The following SGCD variants were observed in gnomAD, a reference collection of about 807,000 sequenced individuals.
SGCD encodes the protein delta-sarcoglycan.
A neutral mutation model predicts 36.6 loss-of-function variants in SGCD; 18 were observed. The observed-to-expected ratio is 0.49, with a 90% confidence interval of 0.34 to 0.73. SGCD has a LOEUF of 0.73. SGCD is among the 30% of genes least tolerant of loss of function. The pLI, the probability that SGCD is intolerant of heterozygous loss-of-function variation, is 0.01. For missense variants in SGCD, 387 were observed against 346.7 expected (o/e 1.12, Z -0.92); for synonymous variants, 133 against 130.6 (o/e 1.02, Z -0.12).
intron 3 of SGCD, among the ~76,000 whole-genome samples, chr5:156,500,141 C>T (rs1317493011): frequency 6.6e-6 from 1 of 152,120 alleles, no homozygotes; most frequent in Non-Finnish European, 1.5e-5. Context: ...GCTGTATCCC[C>T]CTGGTTGGGA....
chr5:156,529,719 A>C (rs1244962890), intron 4 of SGCD, among the ~76,000 whole-genome samples: 1 of 152,090 alleles, frequency 6.6e-6, no homozygotes. Flanking sequence ...AGCTGAAAAA[A>C]CTTTTTTGCC....
chr5:156,758,376 A>T (rs970124766), intron 8 of SGCD, among the ~76,000 whole-genome samples: 10 of 138,398 alleles, frequency 7.2e-5, no homozygotes, highest in Admixed American at 1.5e-4. Flanking sequence ...TCATAGAGTT[A>T]AAAAATCTGT....
intron 1 of SGCD, among the ~76,000 whole-genome samples, chr5:156,002,451 G>A (rs557703322): frequency 6.6e-6 from 1 of 152,212 alleles, no homozygotes; most frequent in Non-Finnish European, 1.5e-5. Flanking sequence ...ATATAGATGG[G>A]TATTCTAGAG....
chr5:155,800,031 C>G, the SGCD span, among the ~76,000 whole-genome samples: 1 of 151,948 alleles, frequency 6.6e-6, no homozygotes, highest in Non-Finnish European at 1.5e-5. Flanking sequence ...GTTGGCCAGG[C>G]TTGTCTCGAA....
chr5:156,726,238 C>G (rs550677634), intron 7 of SGCD, among the ~76,000 whole-genome samples: 1 of 152,304 alleles, frequency 6.6e-6, no homozygotes, highest in South Asian at 2.1e-4. Context: ...GCCTCAGACC[C>G]TAAATAAAAC....
At chr5:156,582,742 G>A (rs567684679) in intron 4 of SGCD, among the ~76,000 whole-genome samples, 1 of 152,292 alleles carries the variant, frequency 6.6e-6, no homozygotes, top group Admixed American at 6.5e-5. Flanking sequence ...ATCTAAGTAT[G>A]TAATTCAAGC....
chr5:156,119,961 A>G (rs1197884447), intron 2 of SGCD, among the ~76,000 whole-genome samples: 2 of 152,184 alleles, frequency 1.3e-5, no homozygotes, highest in Non-Finnish European at 2.9e-5. Flanking sequence ...CTCTATGATT[A>G]GCACTCTCCC....
rs192751143 is a variant in SGCD, at chr5:156,397,760, T to C, written c.192+53083T>C. Among the ~76,000 whole-genome samples the C allele has an allele frequency of 3.9e-5, 6 of 152,290 alleles. No individual in the cohort carries two copies. In the East Asian group the frequency reaches 7.7e-4, roughly 20 times the overall value. ...CCTCCTCAAAGCAGTACATAAGTCATTGCTAAACAAGTGACTGAAATTTTA... is the reference window on the plus strand; with the variant it reads ...CCTCCTCAAAGCAGTACATAAGTCACTGCTAAACAAGTGACTGAAATTTTA... On this transcript the variant is annotated intron_variant, in intron 3 of 8. Transcript: ENST00000337851.
intron 3 of SGCD, among the ~76,000 whole-genome samples, chr5:156,308,530 C>T (rs1392500983): frequency 6.6e-6 from 1 of 152,124 alleles, no homozygotes; most frequent in African/African-American, 2.4e-5. Flanking sequence ...GATCTCCTGA[C>T]CATGTGATCC....
At chr5:156,549,012 A>C (rs1393840922) in intron 4 of SGCD, among the ~76,000 whole-genome samples, 1 of 152,050 alleles carries the variant, frequency 6.6e-6, no homozygotes, top group African/African-American at 2.4e-5. Flanking sequence ...TTCAGACAAC[A>C]CACTGCTTAG....
intron 3 of SGCD, among the ~76,000 whole-genome samples, chr5:156,166,081 G>A (rs928847618): frequency 5.6e-5 from 5 of 88,962 alleles, no homozygotes; most frequent in South Asian, 5.7e-4. Flanking sequence ...TTTCTCTTCC[G>A]GTGTCTGTAT....
At chr5:156,608,760 AGATCTTCTTGTTGAATT>A (rs1385673078) in intron 6 of SGCD, among the ~76,000 whole-genome samples, 7 of 152,138 alleles carry the variant, frequency 4.6e-5, no homozygotes, top group Non-Finnish European at 1.0e-4. Flanking sequence ...TAGGATAGTT[AGATCTTCTTGTTGAATT>A]GATCCCTTTA....
At chr5:155,931,628 T>A (rs1757099258) in intron 1 of SGCD, among the ~76,000 whole-genome samples, 1 of 152,228 alleles carries the variant, frequency 6.6e-6, no homozygotes, top group Non-Finnish European at 1.5e-5. Flanking sequence ...ATTTTCTTAA[T>A]TAACGTAAGC....
At chr5:156,477,538 A>G (rs1403337930) in intron 3 of SGCD, among the ~76,000 whole-genome samples, 1 of 152,190 alleles carries the variant, frequency 6.6e-6, no homozygotes, top group Non-Finnish European at 1.5e-5. Context: ...TGTAGCTGGT[A>G]GCAGTGTTCT....
At chr5:156,364,784 A>G (rs1201387024) in intron 3 of SGCD, among the ~76,000 whole-genome samples, 1 of 152,158 alleles carries the variant, frequency 6.6e-6, no homozygotes, top group Non-Finnish European at 1.5e-5. Context: ...AAGATTGGTA[A>G]AGCAAAAGTA....
chr5:155,933,184 T>C (rs1757132001), intron 1 of SGCD, among the ~76,000 whole-genome samples: 1 of 152,196 alleles, frequency 6.6e-6, no homozygotes, highest in African/African-American at 2.4e-5. Context: ...AGGGGTCTTC[T>C]TGGTTTTCAA....
chr5:156,737,422 A>T (rs1463154417), intron 7 of SGCD, among the ~76,000 whole-genome samples: 1 of 152,240 alleles, frequency 6.6e-6, no homozygotes, highest in African/African-American at 2.4e-5. Context: ...TTTATTTAGC[A>T]CATTGCCTAC....
intron 4 of SGCD, among the ~76,000 whole-genome samples, chr5:156,549,633 A>G (rs1758713713): frequency 6.6e-6 from 1 of 152,216 alleles, no homozygotes. Flanking sequence ...CATTCATGGC[A>G]TTTGCTATTA....
intron 7 of SGCD, among the ~76,000 whole-genome samples, chr5:156,710,553 G>A (rs1754943082): frequency 6.6e-6 from 1 of 152,190 alleles, no homozygotes; most frequent in Admixed American, 6.5e-5. Flanking sequence ...ATTTTAGGGA[G>A]ACATGAGACA....
Sources: allele counts gnomAD v4.1 joint callset (sites outside exome capture counted in the v4.1 genomes callset), GRCh38; gene constraint gnomAD v4.1.1; transcripts MANE v1.5; gene names NCBI Gene and HGNC (gene_info 2026-07-23, HGNC 2026-07-21).